Variants in PPP1R1C observed in about 807,000 individuals in gnomAD.
The protein encoded by PPP1R1C is protein phosphatase 1 regulatory inhibitor subunit 1C.
PPP1R1C carries 15 observed loss-of-function variants against 17.4 expected under a neutral mutation model. That is an observed-to-expected ratio of 0.86 (90% CI 0.58 to 1.33). The LOEUF (loss-of-function observed/expected upper bound fraction) is 1.33, where lower values mean the gene tolerates loss of function less well. Among genes scored for constraint, PPP1R1C ranks in the 40% most tolerant of loss-of-function variants. PPP1R1C has a pLI of 0.00. For synonymous variants in PPP1R1C, 35 were observed against 43.1 expected (o/e 0.81, Z 0.73); for missense variants, 143 against 130.0 (o/e 1.10, Z -0.48).
chr2:182,084,243 T>C (rs2125215804), intron 4 of PPP1R1C, among the ~76,000 whole-genome samples: 1 of 152,310 alleles, frequency 6.6e-6, no homozygotes, highest in African/African-American at 2.4e-5. Flanking sequence ...TAATTATTTC[T>C]TTTTCTGTGC....
At chr2:182,061,516 A>C in intron 3 of PPP1R1C, 37 bp downstream of exon 3, 1 of 1,352,874 alleles carries the variant, frequency 7.4e-7, no homozygotes, top group Non-Finnish European at 9.7e-7. Context: ...AATGTGTTCA[A>C]ATCAATTAAA....
intron 2 of PPP1R1C, among the ~76,000 whole-genome samples, chr2:182,059,273 C>T (rs575365522): frequency 6.6e-6 from 1 of 152,154 alleles, no homozygotes; most frequent in Admixed American, 6.5e-5. Context: ...GGAATAGCTA[C>T]AAAAGCCTCT....
At position 182,058,265 on chromosome 2, in the gene PPP1R1C, C is replaced by T. The variant is rs564865404; in HGVS notation, c.143-3177C>T. On this transcript the variant is annotated intron_variant, in intron 2 of 4. Transcript: ENST00000682840. ...ATGACCTTGACAGTTTTGAAGAGTA[C>T]TAGTCAGCAATCTTGTACAATGCCC... is the stretch of plus-strand genomic sequence containing the variant. Among the ~76,000 whole-genome samples the T allele has an allele frequency of 2.6e-5, 4 of 152,170 alleles. No individual in the cohort carries two copies. The East Asian group carries it at 5.8e-4, about 22-fold the overall frequency.
At chr2:182,002,952 A>T (rs1685816124) in intron 2 of PPP1R1C, among the ~76,000 whole-genome samples, 1 of 117,334 alleles carries the variant, frequency 8.5e-6, no homozygotes, top group African/African-American at 3.2e-5. Flanking sequence ...CAACCCTGAA[A>T]TCCCCCAGAA....
At chr2:181,963,814 T>TA (rs1684853091) in intron 1 of PPP1R1C, among the ~76,000 whole-genome samples, 1 of 151,500 alleles carries the variant, frequency 6.6e-6, no homozygotes, top group African/African-American at 2.4e-5. Flanking sequence ...ATTTTAATTT[T>TA]AAAAAAAATT....
downstream of PPP1R1C, chr2:182,118,031 T>C (rs1689638292): frequency 6.6e-6 from 1 of 152,176 alleles, no homozygotes; most frequent in Non-Finnish European, 1.5e-5. Flanking sequence ...ACCTCCTCTT[T>C]TAGCTATTAC....
chr2:181,986,060 G>T lies in PPP1R1C; in HGVS notation c.-51G>T. 1 of 1,415,746 alleles carries T rather than the reference G, an allele frequency of 7.1e-7. No individual in the cohort carries two copies. The highest frequency in any genetic ancestry group is 2.3e-5 in the East Asian group (1 of 44,024). The allele number at this position is 1,415,746 out of a possible 1,614,324, so 87.7% of individuals were successfully genotyped here. A position where few individuals can be genotyped will look rare whatever the true frequency, so the allele number is the denominator to read the frequency against. ...GGAAACACATCCCGGACACCACTTA[G>T]GGTTAGTCTTTCTGAGCTCTTCACA... On this transcript the variant is annotated 5_prime_UTR_variant, in exon 1 of 5. In the 5' UTR this introduces an upstream ATG that the reference lacks. Transcript: ENST00000682840.
At chr2:182,022,132 T>C (rs1411236146) in intron 2 of PPP1R1C, among the ~76,000 whole-genome samples, 1 of 152,256 alleles carries the variant, frequency 6.6e-6, no homozygotes, top group Non-Finnish European at 1.5e-5. Context: ...ACTTGTGCTA[T>C]TGTTTAAATT....
At position 182,001,954 on chromosome 2, in the gene PPP1R1C, C is replaced by T. The variant is rs370573108; in HGVS notation, c.142+14055C>T. Reference sequence around the variant, plus strand: ...TTGCAGTCATATACGTATAGCTTCACATTACAACATTCCAGCTGCTATATT... The same window carrying T: ...TTGCAGTCATATACGTATAGCTTCATATTACAACATTCCAGCTGCTATATT... On this transcript the variant is annotated intron_variant, in intron 2 of 4. Coordinates refer to ENST00000682840, the MANE Select transcript of PPP1R1C (RefSeq NM_001080545.3). Among the ~76,000 whole-genome samples, 3 of 152,238 alleles carry T rather than the reference C, an allele frequency of 2.0e-5. 1 individual carries two copies. The highest frequency in any genetic ancestry group is 1.9e-4 in the East Asian group (1 of 5,186).
chr2:182,115,814 C>A (rs974887812), intron 4 of PPP1R1C, among the ~76,000 whole-genome samples: 1 of 152,084 alleles, frequency 6.6e-6, no homozygotes, highest in African/African-American at 2.4e-5. Context: ...TGCTGACAGC[C>A]GTACATGCAA....
At position 182,031,628 on chromosome 2, in the gene PPP1R1C, C is replaced by T. The variant is rs1253439053; in HGVS notation, c.143-29814C>T. On this transcript the variant is annotated intron_variant, in intron 2 of 4. Coordinates refer to ENST00000682840, the MANE Select transcript of PPP1R1C (RefSeq NM_001080545.3). ...TTAGGCATAATTTGTATTACAATAG[C>T]CTCACTTCTTATTTTCTTATCAAAT... Among the ~76,000 whole-genome samples the T allele has an allele frequency of 2.6e-5, 4 of 152,094 alleles. No individual in the cohort carries two copies. The East Asian group carries it at 7.7e-4, about 29-fold the overall frequency.
At chr2:182,020,923 T>C (rs1284674219) in intron 2 of PPP1R1C, among the ~76,000 whole-genome samples, 1 of 152,206 alleles carries the variant, frequency 6.6e-6, no homozygotes, top group East Asian at 1.9e-4. Context: ...GGTCACTTTA[T>C]CCAAATACAC....
Position 182,082,187 on chromosome 2 carries a change from A to C in PPP1R1C, c.241+18396A>C, listed in dbSNP as rs1326066140. ...TGAGCTAGTTAGGAATTCTCACTTC[A>C]CCCATGCAAAGAATAGAAACAAACT... On this transcript the variant is annotated intron_variant, in intron 4 of 4. Transcript: ENST00000682840. Among the ~76,000 whole-genome samples, 4 of 152,252 alleles carry C rather than the reference A, an allele frequency of 2.6e-5. No homozygotes were observed. In the South Asian group the frequency reaches 8.3e-4, roughly 32 times the overall value.
intron 4 of PPP1R1C, among the ~76,000 whole-genome samples, chr2:182,067,741 AC>A (rs1453602195): frequency 2.6e-5 from 4 of 152,136 alleles, no homozygotes; most frequent in Non-Finnish European, 5.9e-5. Flanking sequence ...GAAGATTATG[AC>A]CCAAGACGCA....
intron 1 of PPP1R1C, among the ~76,000 whole-genome samples, chr2:181,975,041 T>C (rs1651612749): frequency 6.6e-6 from 1 of 152,146 alleles, no homozygotes; most frequent in Non-Finnish European, 1.5e-5. Flanking sequence ...ATCAATCATA[T>C]GGGGTTACAA....
chr2:182,042,864 A>G (rs1463777002), intron 2 of PPP1R1C, among the ~76,000 whole-genome samples: 4 of 152,194 alleles, frequency 2.6e-5, no homozygotes, highest in Non-Finnish European at 5.9e-5. Flanking sequence ...GCTTTAAGAG[A>G]AGAACAGAAA....
intron 4 of PPP1R1C, among the ~76,000 whole-genome samples, chr2:182,067,964 C>T (rs1688035533): frequency 3.3e-5 from 5 of 152,026 alleles, no homozygotes; most frequent in Admixed American, 3.3e-4. Context: ...CTGCAGATGC[C>T]ATTACTGAAC....
At chr2:182,070,328 A>G (rs890971440) in intron 4 of PPP1R1C, among the ~76,000 whole-genome samples, 3 of 152,242 alleles carry the variant, frequency 2.0e-5, no homozygotes, top group Non-Finnish European at 4.4e-5. Context: ...TGCATGGACC[A>G]TCACAAAGAA....
intron 2 of PPP1R1C, among the ~76,000 whole-genome samples, chr2:182,043,195 A>C (rs934171392): frequency 6.6e-6 from 1 of 152,210 alleles, no homozygotes; most frequent in African/African-American, 2.4e-5. Flanking sequence ...CTTCGTATTC[A>C]AATTCATGTG....
Sources: allele counts gnomAD v4.1 joint callset (sites outside exome capture counted in the v4.1 genomes callset), GRCh38; gene constraint gnomAD v4.1.1; transcripts MANE v1.5; gene names NCBI Gene and HGNC (gene_info 2026-07-23, HGNC 2026-07-21).